INPP4B: variants seen among roughly 807,000 people sequenced by gnomAD.
The protein encoded by INPP4B is inositol polyphosphate-4-phosphatase type II B.
Under a neutral mutation model 122.5 loss-of-function variants are expected in INPP4B, and 55 were observed. The ratio of observed to expected loss-of-function variants is 0.45; its 90% CI spans 0.36 to 0.56. The LOEUF is 0.56. Ranked by LOEUF, INPP4B falls within the 20% of genes least tolerant of loss-of-function variation. The pLI is 0.00. For missense variants in INPP4B, 1,000 were observed against 1,097.7 expected (o/e 0.91, Z 1.26); for synonymous variants, 403 against 388.7 (o/e 1.04, Z -0.43).
intron 2 of INPP4B, among the ~76,000 whole-genome samples, chr4:142,507,475 T>C (rs1284995300): frequency 6.6e-6 from 1 of 151,910 alleles, no homozygotes; most frequent in Non-Finnish European, 1.5e-5. Context: ...TATAGATAAA[T>C]ATTCAGGAAA....
chr4:142,192,287 A>G (rs1356001688), intron 15 of INPP4B, among the ~76,000 whole-genome samples: 2 of 149,734 alleles, frequency 1.3e-5, no homozygotes, highest in Admixed American at 1.3e-4. Flanking sequence ...TGGTTAAAAA[A>G]AAAAGAAAGA....
intron 2 of INPP4B, among the ~76,000 whole-genome samples, chr4:142,702,273 T>C (rs1761896105): frequency 6.6e-6 from 1 of 152,226 alleles, no homozygotes; most frequent in African/African-American, 2.4e-5. Context: ...TGGGTAAAGT[T>C]GATTTCTTGT....
intron 7 of INPP4B, among the ~76,000 whole-genome samples, chr4:142,358,140 G>A (rs1784223448): frequency 6.6e-6 from 1 of 151,896 alleles, no homozygotes; most frequent in Non-Finnish European, 1.5e-5. Flanking sequence ...ACATTTTAAT[G>A]AACCTTTAGT....
chr4:142,425,475 G>T (rs993110958), intron 5 of INPP4B, among the ~76,000 whole-genome samples: 4 of 151,602 alleles, frequency 2.6e-5, no homozygotes, highest in African/African-American at 9.7e-5. Context: ...TTCATTCCTG[G>T]TCAAATCACT....
At chr4:142,752,263 A>C (rs552844073) in intron 1 of INPP4B, among the ~76,000 whole-genome samples, 42 of 152,218 alleles carry the variant, frequency 2.8e-4, no homozygotes, top group Admixed American at 1.4e-3. Flanking sequence ...AGGAGGCCAA[A>C]GGTGCCTCAC....
chr4:142,054,694 T>A (rs1299061869), intron 25 of INPP4B, among the ~76,000 whole-genome samples: 1 of 152,078 alleles, frequency 6.6e-6, no homozygotes, highest in East Asian at 1.9e-4. Flanking sequence ...AGACCAGTGC[T>A]ATGCTTATAG....
intron 2 of INPP4B, among the ~76,000 whole-genome samples, chr4:142,720,805 C>CTATA (rs1486439869): frequency 2.4e-3 from 38 of 15,854 alleles, no homozygotes; most frequent in East Asian, 6.1e-3. Flanking sequence ...CTCTCTCTCT[C>CTATA]TCTCTATATA....
chr4:142,467,705 T>G (rs944034017), intron 2 of INPP4B, among the ~76,000 whole-genome samples: 4 of 152,112 alleles, frequency 2.6e-5, no homozygotes, highest in African/African-American at 9.7e-5. Flanking sequence ...GAGAAAGACA[T>G]GAGATTTCGG....
rs190452588 is a variant in INPP4B at position 142,802,999 on chromosome 4, G to A, written c.-254+43210C>T. 9.6e-4 allele frequency among the ~76,000 whole-genome samples: 145 copies of A among 151,470 alleles called. 1 individual carries two copies. Among genetic ancestry groups the A allele is most frequent in the African/African-American group, 3.4e-3 (139 of 41,318 alleles). On this transcript the variant is annotated intron_variant, in intron 1 of 25. Transcript: ENST00000262992. ...AGCCTGGCCAACATGGTGAAACCTC[G>A]TCTCTACTAAAAATACAAAAATTAG...
chr4:142,036,543 T>C (rs886483398), intron 25 of INPP4B, among the ~76,000 whole-genome samples: 5 of 152,152 alleles, frequency 3.3e-5, no homozygotes, highest in Admixed American at 3.3e-4. Context: ...TTATTCCAAA[T>C]ATAGGGGAAT....
chr4:142,825,291 GA>G (rs965047806), intron 1 of INPP4B, among the ~76,000 whole-genome samples: 4 of 152,094 alleles, frequency 2.6e-5, no homozygotes, highest in Non-Finnish European at 5.9e-5. Context: ...CAGATGTCCA[GA>G]AGAGTTCCCA....
At chr4:142,334,110 A>G (rs1419245990) in intron 7 of INPP4B, among the ~76,000 whole-genome samples, 2 of 152,168 alleles carry the variant, frequency 1.3e-5, no homozygotes, top group Non-Finnish European at 2.9e-5. Context: ...GTGAGAACAT[A>G]AAGTATTTGT....
chr4:142,202,538 A>G (rs1841086473), intron 14 of INPP4B, among the ~76,000 whole-genome samples: 1 of 152,098 alleles, frequency 6.6e-6, no homozygotes, highest in Non-Finnish European at 1.5e-5. Context: ...CTTGAGATAC[A>G]GAAATCAGAG....
At chr4:142,836,865 T>C (rs1233776483) in intron 1 of INPP4B, among the ~76,000 whole-genome samples, 1 of 152,070 alleles carries the variant, frequency 6.6e-6, no homozygotes, top group Non-Finnish European at 1.5e-5. Flanking sequence ...GTAAAGGACA[T>C]TTAAAAATTA....
At chr4:142,030,091 T>C (rs1738836635) in intron 25 of INPP4B, 2 of 1,481,206 alleles carry the variant, frequency 1.4e-6, no homozygotes, top group Non-Finnish European at 1.8e-6. Context: ...AAGTTCATTG[T>C]CATTTGTAGA....
intron 9 of INPP4B, among the ~76,000 whole-genome samples, chr4:142,284,367 G>A (rs946084987): frequency 6.6e-6 from 1 of 152,114 alleles, no homozygotes; most frequent in African/African-American, 2.4e-5. Flanking sequence ...AGAAGAGATA[G>A]AATCTAAAAC....
chr4:142,678,037 G>A (rs559754961), intron 2 of INPP4B, among the ~76,000 whole-genome samples: 1 of 151,854 alleles, frequency 6.6e-6, no homozygotes, highest in Admixed American at 6.6e-5. Flanking sequence ...AAAAGGTGTA[G>A]AACATATGAG....
intron 1 of INPP4B, among the ~76,000 whole-genome samples, chr4:142,778,687 CATT>C (rs925653038): frequency 9.2e-5 from 14 of 152,094 alleles, no homozygotes; most frequent in African/African-American, 3.4e-4. Flanking sequence ...CAGTCTCTCA[CATT>C]GTTTATGATT....
chr4:142,642,908 T>A (rs1411864184), intron 2 of INPP4B, among the ~76,000 whole-genome samples: 1 of 152,228 alleles, frequency 6.6e-6, no homozygotes, highest in Non-Finnish European at 1.5e-5. Context: ...GAGCATGGAA[T>A]GTTCTTCCAT....
Sources: allele counts gnomAD v4.1 joint callset (sites outside exome capture counted in the v4.1 genomes callset), GRCh38; gene constraint gnomAD v4.1.1; transcripts MANE v1.5; gene names NCBI Gene and HGNC (gene_info 2026-07-23, HGNC 2026-07-21).